CAMTA1: variants seen among roughly 807,000 people sequenced by gnomAD.
The protein encoded by CAMTA1 is calmodulin-binding transcription activator 1.
In CAMTA1, 27 loss-of-function variants were observed where a neutral mutation model predicts 170.9. The observed-to-expected ratio is 0.16, with a 90% CI of 0.12 to 0.22. CAMTA1 has a LOEUF of 0.22. Ranked by LOEUF, CAMTA1 falls within the 10% of genes least tolerant of loss-of-function variation. CAMTA1 has a pLI of 1.00. For synonymous variants in CAMTA1, 833 were observed against 891.5 expected (o/e 0.93, Z 1.17); for missense variants, 1,619 against 2,217.2 (o/e 0.73, Z 5.42).
intron 5 of CAMTA1, among the ~76,000 whole-genome samples, chr1:7,425,380 G>T (rs552233052): frequency 6.6e-6 from 1 of 152,250 alleles, no homozygotes; most frequent in South Asian, 2.1e-4. Flanking sequence ...GTGGCACCTA[G>T]ACCCTGGGAA....
intron 5 of CAMTA1, among the ~76,000 whole-genome samples, chr1:7,416,140 G>A (rs1388745004): frequency 6.6e-6 from 1 of 152,190 alleles, no homozygotes; most frequent in Non-Finnish European, 1.5e-5. Context: ...CTGTTAGTCT[G>A]ATGGGCTTCC....
Position 7,208,628 on chromosome 1 carries a change from C to T in CAMTA1, c.303-40863C>T, listed in dbSNP as rs150462950. On this transcript the variant is annotated intron_variant, in intron 4 of 22. Transcript: ENST00000303635. ...TTGCTCTTGTGGGTCCGAGAAGAGG[C>T]GCTTAAATTGCCCAGTGTTCATTGA... is the stretch of plus-strand genomic sequence containing the variant. Among the ~76,000 whole-genome samples the T allele has an allele frequency of 1.3e-3, 192 of 152,202 alleles. 1 individual carries two copies. The highest frequency in any genetic ancestry group is 1.4e-3 in the Non-Finnish European group (94 of 68,018).
At chr1:7,125,656 C>T (rs1254249010) in intron 4 of CAMTA1, among the ~76,000 whole-genome samples, 2 of 152,130 alleles carry the variant, frequency 1.3e-5, no homozygotes, top group African/African-American at 2.4e-5. Flanking sequence ...ATTGCAGAGG[C>T]TAGAGGAAGG....
intron 11 of CAMTA1, among the ~76,000 whole-genome samples, chr1:7,701,219 G>A (rs772588032): frequency 3.3e-5 from 5 of 152,128 alleles, no homozygotes; most frequent in African/African-American, 2.4e-5. Flanking sequence ...TGAAGCTTTC[G>A]TCTTACCCTC....
rs1362492116 is a variant in CAMTA1 at position 7,732,639 on chromosome 1, A to G, written c.3066+40A>G. On this transcript the variant is annotated intron_variant, in intron 12 of 22. Coordinates refer to ENST00000303635, the MANE Select transcript of CAMTA1 (RefSeq NM_015215.4). The surrounding 1 kb of genome is among the most constrained non-coding windows in gnomAD (Gnocchi z 4.1). ...TGATGCTCAGCTCCCATTTCGCTTC[A>G]TGTTTATGGATTGGCGAGGCAGTGG... The G allele has an allele frequency of 1.3e-6, 2 of 1,526,234 alleles. No homozygotes were observed. Among genetic ancestry groups the G allele is most frequent in the Admixed American group, 2.1e-5 (1 of 47,900 alleles). The allele number at this position is 1,526,234 out of a possible 1,614,324, so 94.5% of individuals were successfully genotyped here. A position where few individuals can be genotyped will look rare whatever the true frequency, so the allele number is the denominator to read the frequency against.
intron 1 of CAMTA1, among the ~76,000 whole-genome samples, chr1:6,817,660 G>A (rs1431600907): frequency 3.3e-5 from 5 of 152,068 alleles, no homozygotes; most frequent in African/African-American, 9.7e-5. Context: ...TTGTGTCAGG[G>A]TCTCATTCTG....
chr1:6,862,378 A>G (rs1012564561), intron 3 of CAMTA1, among the ~76,000 whole-genome samples: 1 of 152,210 alleles, frequency 6.6e-6, no homozygotes, highest in East Asian at 1.9e-4. Flanking sequence ...TTAAAGGCTG[A>G]ATTCGTTATG....
At chr1:7,617,407 C>T (rs1317945043) in intron 6 of CAMTA1, among the ~76,000 whole-genome samples, 1 of 152,204 alleles carries the variant, frequency 6.6e-6, no homozygotes, top group African/African-American at 2.4e-5. Context: ...TATAGACAAC[C>T]CTCTGCCTGA....
At chr1:6,831,889 C>A (rs894808854) in intron 3 of CAMTA1, among the ~76,000 whole-genome samples, 11 of 151,098 alleles carry the variant, frequency 7.3e-5, no homozygotes, top group African/African-American at 2.7e-4. Flanking sequence ...AAAGCGTCTG[C>A]AGGAGAAAAA....
chr1:7,663,492 C>T lies in CAMTA1; in HGVS notation c.945C>T (p.His315=), dbSNP rs1351761624. Residue 315 remains histidine, a synonymous_variant, in exon 9 of 23, where the codon CAC becomes CAT. Transcript: ENST00000303635. ...ACGTGTCGGAGGGCAAGCACGAGCA[C>T]AGCCACAGCAAGGGCTCCAGCCGTG... ...HNDVSEGKHE[H]SHSKGSSREK... is the part of the protein sequence containing the mutation. The T allele has an allele frequency of 1.9e-6, 3 of 1,599,204 alleles. No individual in the cohort carries two copies. Among genetic ancestry groups the T allele is most frequent in the African/African-American group, 1.3e-5 (1 of 74,708 alleles).
chr1:6,976,481 G>A (rs369026561), intron 3 of CAMTA1, among the ~76,000 whole-genome samples: 40 of 152,164 alleles, frequency 2.6e-4, no homozygotes, highest in Non-Finnish European at 4.9e-4. Flanking sequence ...CAAGGGGGAC[G>A]TGGGAGACAA....
At chr1:7,731,739 T>C (rs1412111922) in intron 11 of CAMTA1, among the ~76,000 whole-genome samples, 1 of 152,122 alleles carries the variant, frequency 6.6e-6, no homozygotes, top group African/African-American at 2.4e-5. Flanking sequence ...TAGCTGGGCA[T>C]GGTGGTGCAC....
intron 6 of CAMTA1, among the ~76,000 whole-genome samples, chr1:7,575,259 A>C (rs564208084): frequency 1.4e-3 from 218 of 152,280 alleles, no homozygotes; most frequent in African/African-American, 5.1e-3. Flanking sequence ...CAGTAGCCTG[A>C]GCTGTGCCTC....
intron 3 of CAMTA1, among the ~76,000 whole-genome samples, chr1:7,000,495 A>T (rs1698062323): frequency 6.6e-6 from 1 of 152,168 alleles, no homozygotes; most frequent in Non-Finnish European, 1.5e-5. Context: ...AGCATGTCTT[A>T]TGGAGCGGGG....
intron 3 of CAMTA1, among the ~76,000 whole-genome samples, chr1:6,915,576 G>C (rs1365494069): frequency 1.3e-5 from 2 of 152,224 alleles, no homozygotes; most frequent in Admixed American, 6.5e-5. Context: ...CCTGAAGCTA[G>C]AGAGAGTGGA....
intron 4 of CAMTA1, among the ~76,000 whole-genome samples, chr1:7,139,566 C>T (rs1187195428): frequency 6.6e-6 from 1 of 151,964 alleles, no homozygotes; most frequent in Admixed American, 6.6e-5. Flanking sequence ...TGTGACATTG[C>T]CCACTTCACA....
In CAMTA1 at chr1:6,914,102, C is replaced by CTTTTTTT. The variant is rs35814913; in HGVS notation, c.234+88905_234+88911dup. 1.0e-3 allele frequency among the ~76,000 whole-genome samples: 125 copies of CTTTTTTT among 122,006 alleles called. 1 individual carries two copies. Among genetic ancestry groups the CTTTTTTT allele is most frequent in the Middle Eastern group, 4.3e-3 (1 of 234 alleles). 80.0% of individuals were successfully genotyped at this position (122,006 alleles called of 152,430 possible). On this transcript the variant is annotated intron_variant, in intron 3 of 22. Transcript: ENST00000303635. ...GGTTGCAAAAAGGCAGGGCTCATCT[C>CTTTTTTT]TTTTTTTTTTTTTTTTTTTGAGATA...
At chr1:7,596,334 G>C (rs2095399541) in intron 6 of CAMTA1, among the ~76,000 whole-genome samples, 1 of 152,252 alleles carries the variant, frequency 6.6e-6, no homozygotes, top group Non-Finnish European at 1.5e-5. Flanking sequence ...CTCCATGCCA[G>C]GTGCAGCTGG....
chr1:7,317,207 G>A (rs549557066), intron 5 of CAMTA1, among the ~76,000 whole-genome samples: 1 of 152,322 alleles, frequency 6.6e-6, no homozygotes, highest in South Asian at 2.1e-4. Flanking sequence ...AAGGAGGCCA[G>A]GGCGAATCCC....
Sources: gnomAD v4.1 joint callset for allele counts (sites outside exome capture counted in the v4.1 genomes callset) on GRCh38, gnomAD v4.1.1 for gene constraint, Gnocchi (gnomAD v3.1) non-coding constraint, MANE v1.5 for transcripts, NCBI Gene and HGNC (gene_info 2026-07-23, HGNC 2026-07-21) for gene names.